Variants in PRKG1 observed in about 807,000 individuals in gnomAD.
PRKG1 encodes the protein protein kinase cGMP-dependent 1.
PRKG1 carries 35 observed loss-of-function variants against 88.1 expected under a neutral mutation model. The ratio of observed to expected loss-of-function variants is 0.40; its 90% CI spans 0.30 to 0.53. PRKG1 has a LOEUF of 0.53. PRKG1 is among the 20% of genes least tolerant of loss of function. The probability of loss-of-function intolerance (pLI) is 0.59; values close to 1 mark genes in which losing one functional copy is unlikely to be tolerated. For synonymous variants in PRKG1, 303 were observed against 292.5 expected, an observed-to-expected ratio of 1.04 and a Z score of -0.37; for missense variants, 540 against 839.8, an observed-to-expected ratio of 0.64 and a Z score of 4.41.
intron 2 of PRKG1, among the ~76,000 whole-genome samples, chr10:51,189,406 G>A (rs1015642477): frequency 8.6e-5 from 13 of 151,960 alleles, no homozygotes; most frequent in Middle Eastern, 3.4e-3. Context: ...AGGTTTGTAG[G>A]CAGACATGCA....
Position 51,537,172 on chromosome 10 carries a change from T to G in PRKG1, c.592+69336T>G, listed in dbSNP as rs1589055941. 3.3e-5 allele frequency among the ~76,000 whole-genome samples: 5 copies of G among 152,314 alleles called. No homozygotes were observed. The South Asian group carries it at 1.0e-3, about 32-fold the overall frequency. ...ATAAGAATTTTTTATAATTAAAATT[T>G]TTTTAATGTGCTGAAATAAGTTTCA... On this transcript the variant is annotated intron_variant, in intron 3 of 17. Transcript: ENST00000373980.
intron 5 of PRKG1, among the ~76,000 whole-genome samples, chr10:52,045,803 A>G (rs1845850044): frequency 6.6e-6 from 1 of 152,046 alleles, no homozygotes; most frequent in Non-Finnish European, 1.5e-5. Context: ...GAATGGAGGG[A>G]CACACTTCAT....
chr10:51,092,363 A>C (rs1844419279), intron 1 of PRKG1, among the ~76,000 whole-genome samples: 1 of 152,212 alleles, frequency 6.6e-6, no homozygotes, highest in South Asian at 2.1e-4. Flanking sequence ...TTGAATAGAA[A>C]TGATTTTAAA....
chr10:51,277,283 A>G (rs1317939429), intron 2 of PRKG1, among the ~76,000 whole-genome samples: 10 of 151,992 alleles, frequency 6.6e-5, no homozygotes, highest in Admixed American at 2.6e-4. Flanking sequence ...GATGTGTGGT[A>G]TTATTTCTGA....
At chr10:51,018,866 T>A (rs1030503067) in intron 1 of PRKG1, among the ~76,000 whole-genome samples, 8 of 152,192 alleles carry the variant, frequency 5.3e-5, no homozygotes, top group Admixed American at 1.3e-4. Flanking sequence ...CCTTTTCACA[T>A]CAGAAACTCT....
chr10:52,282,989 C>T (rs997147089), intron 14 of PRKG1, among the ~76,000 whole-genome samples: 1 of 151,792 alleles, frequency 6.6e-6, no homozygotes, highest in African/African-American at 2.4e-5. Flanking sequence ...ATATAGAGAG[C>T]AAGAAAAGGG....
At chr10:51,286,548 CTT>C (rs1324456969) in intron 2 of PRKG1, among the ~76,000 whole-genome samples, 8 of 152,032 alleles carry the variant, frequency 5.3e-5, no homozygotes, top group Non-Finnish European at 8.8e-5. Flanking sequence ...TATGTTCACT[CTT>C]TGACTTATTT....
At chr10:52,124,065 G>C (rs1229335845) in intron 7 of PRKG1, among the ~76,000 whole-genome samples, 1 of 152,180 alleles carries the variant, frequency 6.6e-6, no homozygotes, top group Non-Finnish European at 1.5e-5. Context: ...GCTAATGGGT[G>C]AGGAGCATCT....
intron 12 of PRKG1, among the ~76,000 whole-genome samples, chr10:52,278,057 C>G (rs1163402947): frequency 2.0e-4 from 31 of 152,110 alleles, no homozygotes; most frequent in Non-Finnish European, 4.4e-5. Context: ...TTTTTGCAAT[C>G]TATCCATCTG....
At position 52,282,154 on chromosome 10, in the gene PRKG1, T is replaced by C. The variant is rs753605325; in HGVS notation, c.1547T>C (p.Val516Ala). ...ATCTTGTTTTTCTCTCTTTGTAAGG[T>C]TGATTTTGGCTTTGCAAAGAAAATA... ...ILDHRGYAKLVDFGFAKKIGF... is the reference protein window; with the variant it reads ...ILDHRGYAKLADFGFAKKIGF... The change falls in exon 14 of 18, where the codon GTT (valine) becomes GCT (alanine). Residue 516 changes from valine (V) to alanine (A), a missense_variant and splice_region_variant. Val to Ala is a moderately conservative substitution (Grantham distance 64). Transcript: ENST00000373980. 6.3e-7 allele frequency: 1 copy of C among 1,594,920 alleles called. No homozygotes were observed.
At chr10:51,416,863 C>T (rs1267039849) in intron 2 of PRKG1, among the ~76,000 whole-genome samples, 1 of 152,150 alleles carries the variant, frequency 6.6e-6, no homozygotes, top group Admixed American at 6.6e-5. Context: ...TCTTAGAATT[C>T]AGGCTTTCAA....
chr10:51,716,375 T>A (rs549630694), intron 3 of PRKG1, among the ~76,000 whole-genome samples: 3 of 152,350 alleles, frequency 2.0e-5, no homozygotes, highest in African/African-American at 7.2e-5. Flanking sequence ...CATTCTAAAA[T>A]CCATGTCTCA....
intron 5 of PRKG1, among the ~76,000 whole-genome samples, chr10:51,920,293 T>C (rs1842435520): frequency 6.6e-6 from 1 of 152,158 alleles, no homozygotes; most frequent in Non-Finnish European, 1.5e-5. Flanking sequence ...TTTAGAAGGA[T>C]ATTTTGAAGA....
chr10:51,034,811 T>C (rs140272432), intron 1 of PRKG1, among the ~76,000 whole-genome samples: 2,619 of 150,904 alleles, frequency 0.017, 38 homozygotes, highest in Middle Eastern at 0.046. Context: ...TTAGAAAAAG[T>C]TAGAAAACAG....
At chr10:51,110,248 G>A (rs1157817151) in intron 1 of PRKG1, among the ~76,000 whole-genome samples, 1 of 151,966 alleles carries the variant, frequency 6.6e-6, no homozygotes, top group East Asian at 1.9e-4. Context: ...AAGACTTGTG[G>A]GGTGTCCATA....
intron 2 of PRKG1, among the ~76,000 whole-genome samples, chr10:51,419,094 T>G (rs141851611): frequency 1.3e-5 from 2 of 152,334 alleles, no homozygotes; most frequent in Admixed American, 1.3e-4. Context: ...CACTTACTTT[T>G]GCAATTTGAT....
intron 5 of PRKG1, among the ~76,000 whole-genome samples, chr10:52,040,159 G>T (rs1845720748): frequency 6.6e-6 from 1 of 152,162 alleles, no homozygotes; most frequent in South Asian, 2.1e-4. Flanking sequence ...TCCTAAAGAA[G>T]TAAAATATTG....
At chr10:51,971,230 C>T (rs181599430) in intron 5 of PRKG1, among the ~76,000 whole-genome samples, 47 of 151,990 alleles carry the variant, frequency 3.1e-4, no homozygotes, top group East Asian at 7.7e-4. Context: ...TATTTCTTAA[C>T]GTGGGTTGTG....
intron 5 of PRKG1, among the ~76,000 whole-genome samples, chr10:51,993,334 T>A (rs1159096452): frequency 6.6e-6 from 1 of 152,002 alleles, no homozygotes; most frequent in African/African-American, 2.4e-5. Context: ...TTAAAAAAAA[T>A]ATAGTCTGCC....
Sources: allele counts gnomAD v4.1 joint callset (sites outside exome capture counted in the v4.1 genomes callset), GRCh38; gene constraint gnomAD v4.1.1; transcripts MANE v1.5; gene names NCBI Gene and HGNC (gene_info 2026-07-23, HGNC 2026-07-21).